The following TMEM63A variants were observed in gnomAD, a reference collection of about 807,000 sequenced individuals.
The protein encoded by TMEM63A is transmembrane protein 63A.
Under a neutral mutation model 100.6 loss-of-function variants are expected in TMEM63A, and 76 were observed. The observed-to-expected ratio is 0.76, with a 90% CI of 0.63 to 0.91. The LOEUF is 0.91. Ranked by LOEUF, TMEM63A falls within the 40% of genes least tolerant of loss-of-function variation. The probability of loss-of-function intolerance (pLI) is 0.00; values close to 1 mark genes in which losing one functional copy is unlikely to be tolerated. For missense variants in TMEM63A, 876 were observed against 1,008.8 expected (o/e 0.87, Z 1.78); for synonymous variants, 401 against 401.1 (o/e 1.00, Z 0.00).
At position 225,867,219 on chromosome 1, in the gene TMEM63A, C is replaced by T. The variant is rs1164239591; in HGVS notation, c.515-56G>A. Reference sequence around the variant, plus strand: ...GGTCATGTGGGGAAGCAGGAGGGGGCGTAACCAATCAGCCTTGGTTTGTGG... The same window carrying T: ...GGTCATGTGGGGAAGCAGGAGGGGGTGTAACCAATCAGCCTTGGTTTGTGG... On this transcript the variant is annotated intron_variant, in intron 7 of 24. Coordinates refer to ENST00000366835, the MANE Select transcript of TMEM63A (RefSeq NM_014698.3). This position sits in a 1 kb window ranked among gnomAD's most constrained non-coding sequence, Gnocchi z 4.6. 36 of 1,571,946 alleles carry T rather than the reference C, an allele frequency of 2.3e-5. 1 individual carries two copies. The highest frequency in any genetic ancestry group is 1.0e-4 in the South Asian group (9 of 90,238).
downstream of TMEM63A, chr1:225,845,118 A>AC: frequency 6.2e-7 from 1 of 1,611,940 alleles, no homozygotes; most frequent in Non-Finnish European, 8.5e-7. Flanking sequence ...CCACAGCCTC[A>AC]CCCCTCCGTC....
intron 19 of TMEM63A, among the ~76,000 whole-genome samples, 184 bp from the exon 20 acceptor site, chr1:225,852,953 A>G (rs529719478): frequency 2.0e-5 from 3 of 152,304 alleles, no homozygotes; most frequent in African/African-American, 7.2e-5. Flanking sequence ...CAGTGCACCC[A>G]GCCCTCCCGA....
chr1:225,873,501 T>C (rs1043579104), intron 4 of TMEM63A, among the ~76,000 whole-genome samples: 3 of 152,000 alleles, frequency 2.0e-5, no homozygotes. Flanking sequence ...CTGGGGCCAG[T>C]CCCTGAGTTT....
Position 225,877,567 on chromosome 1 carries a change from G to C in TMEM63A, c.14C>G (p.Pro5Arg). The C allele has an allele frequency of 6.2e-7, 1 of 1,613,518 alleles. No homozygotes were observed. Among genetic ancestry groups the C allele is most frequent in the Non-Finnish European group, 8.5e-7 (1 of 1,179,602 alleles). MMDS[P>R]FLELWQSKAV... ...CTTGGACTGCCACAGCTCCAGGAAC[G>C]GGGAGTCCATCATCGCGCCTGTCTT... The change falls in exon 3 of 25, where the codon CCG (proline) becomes CGG (arginine). Residue 5 changes from proline to arginine, a missense_variant. Pro to Arg is a moderately radical substitution (Grantham distance 103). Coordinates refer to ENST00000366835, the MANE Select transcript of TMEM63A (RefSeq NM_014698.3).
chr1:225,868,313 C>CGT (rs778417601), intron 6 of TMEM63A, among the ~76,000 whole-genome samples: 1 of 152,042 alleles, frequency 6.6e-6, no homozygotes, highest in Non-Finnish European at 1.5e-5. Context: ...GCCCAAGTTA[C>CGT]GTGTGTGGGA....
Position 225,877,390 on chromosome 1 carries a change from C to G in TMEM63A, c.186+5G>C, listed in dbSNP as rs1436223013. 1.2e-6 allele frequency: 2 copies of G among 1,608,184 alleles called. No individual in the cohort carries two copies. Among genetic ancestry groups the G allele is most frequent in the African/African-American group, 2.7e-5 (2 of 74,828 alleles). On this transcript the variant is annotated splice_donor_5th_base_variant and intron_variant, in intron 3 of 24. Transcript: ENST00000366835. Reference sequence around the variant, plus strand: ...CAGTGGGACACGACTCATGAGGGCTCTCACCAGGAAGCAGCTGACGTCTAT... The same window carrying G: ...CAGTGGGACACGACTCATGAGGGCTGTCACCAGGAAGCAGCTGACGTCTAT...
intron 18 of TMEM63A, among the ~76,000 whole-genome samples, chr1:225,854,545 T>C (rs974778747): frequency 6.6e-6 from 1 of 151,992 alleles, no homozygotes; most frequent in African/African-American, 2.4e-5. Flanking sequence ...CCAAAACAAG[T>C]AGAAAAACAA....
rs1394022673 is a variant in TMEM63A, at chr1:225,867,913, A to G, written c.489T>C (p.Pro163=). 1.2e-6 allele frequency: 2 copies of G among 1,614,224 alleles called. No homozygotes were observed. Among genetic ancestry groups the G allele is most frequent in the Admixed American group, 1.7e-5 (1 of 60,028 alleles). The change falls in exon 7 of 25, where the codon CCT becomes CCC. Residue 163 remains proline (P), a synonymous_variant. Coordinates refer to ENST00000366835, the MANE Select transcript of TMEM63A (RefSeq NM_014698.3). This position sits in a 1 kb window ranked among gnomAD's most constrained non-coding sequence, Gnocchi z 4.6. ...VSFLSLCVIL[P]VNLSGDLLDK... is the part of the protein sequence containing the mutation. The stretch of plus-strand genomic sequence containing the variant: ...CCAGCAAGTCCCCTGAGAGGTTGAC[A>G]GGCAGGATGACACACAGGGACAAAA...
chr1:225,871,283 A>G (rs1670497077), intron 5 of TMEM63A, among the ~76,000 whole-genome samples, 170 bp from the exon 6 acceptor site: 1 of 152,230 alleles, frequency 6.6e-6, no homozygotes, highest in Non-Finnish European at 1.5e-5. Context: ...TATACACCAC[A>G]TGCCTGGAAC....
intron 3 of TMEM63A, among the ~76,000 whole-genome samples, chr1:225,874,956 A>C (rs1398882348): frequency 6.6e-6 from 1 of 151,942 alleles, no homozygotes; most frequent in East Asian, 1.9e-4. Context: ...CTGGTCTCGA[A>C]CTCCTGACCT....
At position 225,862,524 on chromosome 1, in the gene TMEM63A, G is replaced by C; in HGVS notation, c.882C>G (p.Gly294=). ...GCTTGGGGTTGATGAGGGTCCGCTG[G>C]CCTGTCTTCACCTGCAGGTTTGTGT... ...TYYTNLQVKT[G]QRTLINPKPC... is the part of the protein sequence containing the mutation. The change falls in exon 12 of 25, where the codon GGC becomes GGG. Residue 294 remains glycine, a synonymous_variant. Transcript: ENST00000366835. The surrounding 1 kb of genome is among the most constrained non-coding windows in gnomAD (Gnocchi z 5.1). 6.2e-7 allele frequency: 1 copy of C among 1,614,116 alleles called. No individual in the cohort carries two copies.
In TMEM63A at chr1:225,852,997, C is replaced by T. The variant is rs181903571; in HGVS notation, c.1798-228G>A. Among the ~76,000 whole-genome samples, 12 of 152,318 alleles carry T rather than the reference C, an allele frequency of 7.9e-5. No individual in the cohort carries two copies. In the East Asian group the frequency reaches 1.7e-3, roughly 22 times the overall value. On this transcript the variant is annotated intron_variant, in intron 19 of 24. Coordinates refer to ENST00000366835, the MANE Select transcript of TMEM63A (RefSeq NM_014698.3). Reference sequence around the variant, plus strand: ...GATGCGTGTTTGCTAGTGCTCCCTTCGTTCCACCCAACAGGCATGTGAGCC... The same window carrying T: ...GATGCGTGTTTGCTAGTGCTCCCTTTGTTCCACCCAACAGGCATGTGAGCC...
At chr1:225,845,305 C>T (rs1668867404), downstream of TMEM63A, 1 of 1,612,280 alleles carries the variant, frequency 6.2e-7, no homozygotes, top group Non-Finnish European at 8.5e-7. Context: ...AGCTGCTCGC[C>T]CAGGACATCC....
chr1:225,868,101 A>C, intron 6 of TMEM63A, 71 bp from the exon 7 acceptor site: 1 of 1,579,246 alleles, frequency 6.3e-7, no homozygotes, highest in Admixed American at 1.7e-5. Flanking sequence ...AGTGTCTCAT[A>C]TCATCCTCAC....
chr1:225,849,154 CCCCCA>C, intron 21 of TMEM63A, 142 bp from the exon 22 acceptor site: 1 of 626,138 alleles, frequency 1.6e-6, no homozygotes, highest in Non-Finnish European at 2.9e-6. Context: ...AAGGCCTAAC[CCCCCA>C]CCCCCACCCC....
At position 225,859,208 on chromosome 1, in the gene TMEM63A, G is replaced by C; in HGVS notation, c.1365C>G (p.Ile455Met). The C allele has an allele frequency of 2.5e-6, 4 of 1,614,120 alleles. No homozygotes were observed. Among genetic ancestry groups the C allele is most frequent in the Non-Finnish European group, 2.5e-6 (3 of 1,180,032 alleles). Residue 455 changes from isoleucine to methionine, a missense_variant, in exon 15 of 25, where the codon ATC becomes ATG. This residue lies in a region of TMEM63A where 487 missense variants were observed against 581.9 expected (regional missense o/e 0.84). Coordinates refer to ENST00000366835, the MANE Select transcript of TMEM63A (RefSeq NM_014698.3). ...AACAGTTACTCACATTCAGCGCATG[G>C]ATGGGTTTGGTGACATTAAACTTGT... The part of the protein sequence containing the change: ...TMDKFNVTKP[I>M]HALNNPIISQ...
At chr1:225,863,589 G>C (rs770218668) in intron 10 of TMEM63A, among the ~76,000 whole-genome samples, 4 of 151,546 alleles carry the variant, frequency 2.6e-5, no homozygotes, top group African/African-American at 4.9e-5. Flanking sequence ...GAAAGCAAAG[G>C]ACCCTCAGAC....
At position 225,867,139 on chromosome 1, in the gene TMEM63A, C is replaced by G. The variant is rs774746056; in HGVS notation, c.539G>C (p.Arg180Thr). ...LLDKDPYSFG[R>T]TTIANLQTDN... is the part of the protein sequence containing the mutation. ...AGTCTGTAGGTTTGCTATTGTTGTC[C>G]TCCCAAAACTATACGGGTCTTTGTC... Residue 180 changes from arginine to threonine, a missense_variant, in exon 8 of 25, where the codon AGG (arginine) becomes ACG (threonine). Arg to Thr is a moderately conservative substitution (Grantham distance 71). Transcript: ENST00000366835. The surrounding 1 kb of genome is among the most constrained non-coding windows in gnomAD (Gnocchi z 4.6). 1 of 1,614,188 alleles carries G rather than the reference C, an allele frequency of 6.2e-7. No individual in the cohort carries two copies. Among genetic ancestry groups the G allele is most frequent in the East Asian group, 2.2e-5 (1 of 44,880 alleles).
At chr1:225,875,429 C>T (rs2102645373) in intron 3 of TMEM63A, among the ~76,000 whole-genome samples, 1 of 152,302 alleles carries the variant, frequency 6.6e-6, no homozygotes. Context: ...AGAAATACAT[C>T]TTAGTAAGCA....
Sources: gnomAD v4.1 joint callset for allele counts (sites outside exome capture counted in the v4.1 genomes callset) on GRCh38, gnomAD v4.1.1 for gene constraint, gnomAD v4.1.1 regional missense constraint, Gnocchi (gnomAD v3.1) non-coding constraint, MANE v1.5 for transcripts, NCBI Gene and HGNC (gene_info 2026-07-23, HGNC 2026-07-21) for gene names.